The following SLC47A2 variants were observed in gnomAD, a reference collection of about 807,000 sequenced individuals.
The protein encoded by SLC47A2 is solute carrier family 47 member 2.
A neutral mutation model predicts 67.7 loss-of-function variants in SLC47A2; 52 were observed. That is an observed-to-expected ratio of 0.77 (90% confidence interval 0.61 to 0.97). SLC47A2 has a LOEUF of 0.97. SLC47A2 is among the 50% of genes least tolerant of loss of function. The pLI, the probability that SLC47A2 is intolerant of heterozygous loss-of-function variation, is 0.00. For synonymous variants in SLC47A2, 278 were observed against 292.9 expected, an observed-to-expected ratio of 0.95 and a Z score of 0.52; for missense variants, 676 against 712.3, an observed-to-expected ratio of 0.95 and a Z score of 0.58.
intron 5 of SLC47A2, among the ~76,000 whole-genome samples, chr17:19,712,152 C>T (rs1309225331): frequency 3.9e-5 from 6 of 152,026 alleles, no homozygotes; most frequent in African/African-American, 2.4e-5. Context: ...TTTGGGAGGC[C>T]GAGGTGGCAG....
At chr17:19,695,643 T>TATCCAGAA (rs1433634900) in intron 13 of SLC47A2, among the ~76,000 whole-genome samples, 1 of 152,004 alleles carries the variant, frequency 6.6e-6, no homozygotes, top group Non-Finnish European at 1.5e-5. Flanking sequence ...AAAGGACTTG[T>TATCCAGAA]ATCCAGAATA....
rs188922146 is a variant in SLC47A2 at position 19,686,479 on chromosome 17, A to G, written c.1165-4809T>C. ...TAATAACATCGAATGTAAATGAACT[A>G]AAAACTCTCTAGTCAAAAGACATAG... On this transcript the variant is annotated intron_variant, in intron 13 of 16. Transcript: ENST00000433844. Among the ~76,000 whole-genome samples, 340 of 152,322 alleles carry G rather than the reference A, an allele frequency of 2.2e-3. 1 individual carries two copies. Among genetic ancestry groups the G allele is most frequent in the Middle Eastern group, 3.4e-3 (1 of 294 alleles).
intron 5 of SLC47A2, among the ~76,000 whole-genome samples, chr17:19,709,272 C>T (rs1264223713): frequency 6.6e-6 from 1 of 152,228 alleles, no homozygotes; most frequent in Non-Finnish European, 1.5e-5. Flanking sequence ...GTGGCGGGCC[C>T]TTCCCTGGCT....
intron 5 of SLC47A2, 111 bp from the exon 6 acceptor site, chr17:19,708,871 T>A: frequency 2.2e-6 from 3 of 1,335,126 alleles, no homozygotes; most frequent in Non-Finnish European, 3.2e-6. Flanking sequence ...GGGAAATTAC[T>A]TCATCAAAGT....
intron 13 of SLC47A2, among the ~76,000 whole-genome samples, chr17:19,698,141 G>A (rs2085706645): frequency 6.6e-6 from 1 of 152,088 alleles, no homozygotes; most frequent in South Asian, 2.1e-4. Flanking sequence ...GACTCAAAAC[G>A]CAACATTTAC....
At chr17:19,697,253 G>A (rs1290014763) in intron 13 of SLC47A2, among the ~76,000 whole-genome samples, 2 of 152,146 alleles carry the variant, frequency 1.3e-5, no homozygotes, top group African/African-American at 4.8e-5. Context: ...AGCTGAGATC[G>A]TGCTACTACA....
chr17:19,698,637 GAGCCACTGCACCC>G (rs779598977), intron 13 of SLC47A2, among the ~76,000 whole-genome samples: 3 of 152,174 alleles, frequency 2.0e-5, no homozygotes, highest in Non-Finnish European at 4.4e-5. Context: ...TTACAAGCAT[GAGCCACTGCACCC>G]AGCCTTGTAT....
rs769542915 is a variant in SLC47A2 at position 19,713,922 on chromosome 17, C to T, written c.346G>A (p.Ala116Thr). 1 of 1,613,430 alleles carries T rather than the reference C, an allele frequency of 6.2e-7. No homozygotes were observed. The highest frequency in any genetic ancestry group is 1.3e-5 in the African/African-American group (1 of 75,018). Reference protein sequence around the residue: ...KHVGVILQRGALVLLLCCLPC... With the variant: ...KHVGVILQRGTLVLLLCCLPC... ...AGGCAGCAGAGGAGCAGGACCAGCG[C>T]GCCCCGCTGCAGGATCACGCCCACG... The change falls in exon 4 of 17, where the codon GCG becomes ACG. Residue 116 changes from alanine to threonine, a missense_variant. Ala to Thr is a moderately conservative substitution (Grantham distance 58, BLOSUM62 0). Transcript: ENST00000433844.
At chr17:19,699,314 A>C (rs987674500) in intron 13 of SLC47A2, among the ~76,000 whole-genome samples, 10 of 152,176 alleles carry the variant, frequency 6.6e-5, no homozygotes, top group Non-Finnish European at 1.5e-5. Flanking sequence ...CAAAAGTATA[A>C]AACTCCTACA....
rs764964844 is a variant in SLC47A2, at chr17:19,678,867, T to G, written c.1520A>C (p.Tyr507Ser). Residue 507 changes from tyrosine to serine, a missense_variant, in exon 17 of 17, where the codon TAT (tyrosine) becomes TCT (serine). Physicochemically the swap from Tyr to Ser is moderately radical, Grantham distance 144. Transcript: ENST00000433844. ...GSSPGITLTT[Y>S]SRSECHVDFF... The stretch of plus-strand genomic sequence containing the variant: ...GTCCACGTGGCACTCAGACCTTGAA[T>G]ACGTTGTCAAGGTAATGCCAGGGGA... 176 of 1,601,558 alleles carry G rather than the reference T, an allele frequency of 1.1e-4. No individual in the cohort carries two copies. The highest frequency in any genetic ancestry group is 1.4e-4 in the Non-Finnish European group (162 of 1,173,330).
rs751581476 is a variant in SLC47A2, at chr17:19,678,877, A to G, written c.1510T>C (p.Leu504=). 20 of 1,588,450 alleles carry G rather than the reference A, an allele frequency of 1.3e-5. No homozygotes were observed. The South Asian group carries it at 1.9e-4, about 15-fold the overall frequency. ...VATGSSPGIT[L]TTYSRSECHV... is the part of the protein sequence containing the mutation. ...CACTCAGACCTTGAATACGTTGTCA[A>G]GGTAATGCCAGGGGAACTGCCTGTA... The change falls in exon 17 of 17, where the codon TTG becomes CTG. Residue 504 remains leucine, a synonymous_variant. Coordinates refer to ENST00000433844, the MANE Select transcript of SLC47A2 (RefSeq NM_001099646.3).
intron 11 of SLC47A2, 27 bp from the exon 12 acceptor site, chr17:19,703,194 G>T: frequency 6.2e-7 from 1 of 1,609,418 alleles, no homozygotes; most frequent in Non-Finnish European, 8.5e-7. Flanking sequence ...GTGCAGCAAT[G>T]ACAGACCCCA....
intron 3 of SLC47A2, among the ~76,000 whole-genome samples, chr17:19,714,223 G>C (rs1177054632): frequency 6.6e-6 from 1 of 152,198 alleles, no homozygotes; most frequent in Non-Finnish European, 1.5e-5. Flanking sequence ...ACATGTCAGC[G>C]GCAGGTTAAG....
intron 13 of SLC47A2, among the ~76,000 whole-genome samples, chr17:19,699,717 C>A (rs536103223): frequency 8.5e-5 from 13 of 152,308 alleles, no homozygotes; most frequent in African/African-American, 3.1e-4. Context: ...CTGCACCTGG[C>A]TGGCAGTTTC....
intron 13 of SLC47A2, among the ~76,000 whole-genome samples, chr17:19,694,181 A>C (rs1231680265): frequency 6.6e-6 from 1 of 152,232 alleles, no homozygotes; most frequent in East Asian, 1.9e-4. Flanking sequence ...AATATTGTTA[A>C]GATGACAGTT....
intron 16 of SLC47A2, among the ~76,000 whole-genome samples, chr17:19,679,429 G>A (rs1200863483): frequency 6.6e-6 from 1 of 152,188 alleles, no homozygotes; most frequent in African/African-American, 2.4e-5. Flanking sequence ...CATGGACACT[G>A]GGCACAAACC....
chr17:19,708,892 C>T (rs1441054596), intron 5 of SLC47A2, 132 bp from the exon 6 acceptor site: 2 of 1,181,532 alleles, frequency 1.7e-6, no homozygotes, highest in African/African-American at 3.0e-5. Context: ...ATGTCTGGGA[C>T]CTCTCAGGTG....
rs1384068288 is a variant in SLC47A2 at position 19,713,891 on chromosome 17, C to G, written c.377G>C (p.Cys126Ser). 1 of 1,613,808 alleles carries G rather than the reference C, an allele frequency of 6.2e-7. No individual in the cohort carries two copies. Among genetic ancestry groups the G allele is most frequent in the South Asian group, 1.1e-5 (1 of 91,082 alleles). The change falls in exon 4 of 17, where the codon TGC (cysteine) becomes TCC (serine). Residue 126 changes from cysteine (C) to serine (S), a missense_variant. Physicochemically the swap from Cys to Ser is moderately radical, Grantham distance 112 (BLOSUM62 -1). Coordinates refer to ENST00000433844, the MANE Select transcript of SLC47A2 (RefSeq NM_001099646.3). Reference protein sequence around the residue: ...ALVLLLCCLPCWALFLNTQHI... With the variant: ...ALVLLLCCLPSWALFLNTQHI... ...CTGGGTGTTGAGGAAGAGCGCCCAG[C>G]AAGGGAGGCAGCAGAGGAGCAGGAC...
Position 19,678,573 on chromosome 17 carries a change from G to T in SLC47A2, c.*113C>A. On this transcript the variant is annotated 3_prime_UTR_variant, in exon 17 of 17. Coordinates refer to ENST00000433844, the MANE Select transcript of SLC47A2 (RefSeq NM_001099646.3). ...AGCCAAAGTTCTTTTTTTGAGGAGTGGTTCAAAGTGTCCACCTGCACTAGA... is the reference window on the plus strand; with the variant it reads ...AGCCAAAGTTCTTTTTTTGAGGAGTTGTTCAAAGTGTCCACCTGCACTAGA... 9.1e-7 allele frequency: 1 copy of T among 1,098,394 alleles called. No individual in the cohort carries two copies. The highest frequency in any genetic ancestry group is 1.3e-6 in the Non-Finnish European group (1 of 743,998). The allele number at this position is 1,098,394 out of a possible 1,614,324, so 68.0% of individuals were successfully genotyped here.
Sources: allele counts gnomAD v4.1 joint callset (sites outside exome capture counted in the v4.1 genomes callset), GRCh38; gene constraint gnomAD v4.1.1; transcripts MANE v1.5; gene names NCBI Gene and HGNC (gene_info 2026-07-23, HGNC 2026-07-21).